The following IFRD1 variants were observed in gnomAD, a reference collection of about 807,000 sequenced individuals.
The protein encoded by IFRD1 is interferon related developmental regulator 1, also known as interferon-related developmental regulator 1.
Under a neutral mutation model 52.9 loss-of-function variants are expected in IFRD1, and 35 were observed. The observed-to-expected ratio is 0.66, with a 90% CI of 0.51 to 0.88. The LOEUF is 0.88. Ranked by LOEUF, IFRD1 falls within the 40% of genes least tolerant of loss-of-function variation. IFRD1 has a pLI of 0.00. For missense variants in IFRD1, 517 were observed against 550.8 expected (o/e 0.94, Z 0.61); for synonymous variants, 184 against 188.4 (o/e 0.98, Z 0.19).
At chr7:112,424,510 G>T (rs10046519) in intron 1 of IFRD1, among the ~76,000 whole-genome samples, 29,834 of 151,776 alleles carry the variant, frequency 0.2, 3,082 homozygotes, top group Middle Eastern at 0.29. Context: ...CGCCTCCCAG[G>T]TTCAAGCGAT....
chr7:112,454,573 TCAAATAC>T (rs1795241955), intron 1 of IFRD1, among the ~76,000 whole-genome samples: 1 of 152,198 alleles, frequency 6.6e-6, no homozygotes, highest in African/African-American at 2.4e-5. Flanking sequence ...TTATACTATA[TCAAATAC>T]CAAAACTTCT....
intron 1 of IFRD1, among the ~76,000 whole-genome samples, chr7:112,435,149 A>G (rs1408910350): frequency 6.6e-6 from 1 of 152,194 alleles, no homozygotes; most frequent in Non-Finnish European, 1.5e-5. Flanking sequence ...TTGGACGGCA[A>G]TAATTTTACT....
Position 112,451,000 on chromosome 7 carries a change from C to T in IFRD1, c.94+218C>T. ...TGCGAACCGGACTCTTGGGCACCGG[C>T]CGTGGGGGCAGGGAGGAACGGGTCC... On this transcript the variant is annotated intron_variant, in intron 1 of 11. Coordinates refer to ENST00000403825, the MANE Select transcript of IFRD1 (RefSeq NM_001550.4). The T allele has an allele frequency of 8.6e-6, 5 of 582,846 alleles. No homozygotes were observed. In the Admixed American group the frequency reaches 1.5e-4, roughly 17 times the overall value. 36.1% of individuals were successfully genotyped at this position (582,846 alleles called of 1,614,324 possible). A position where few individuals can be genotyped will look rare whatever the true frequency, so the allele number is the denominator to read the frequency against.
chr7:112,427,515 T>C (rs1794452941), intron 1 of IFRD1, among the ~76,000 whole-genome samples: 1 of 152,228 alleles, frequency 6.6e-6, no homozygotes, highest in African/African-American at 2.4e-5. Flanking sequence ...AGCTTAGCAA[T>C]TACCCTAATA....
rs1412590474 is a variant in IFRD1 at position 112,460,244 on chromosome 7, T to TG, written c.567+1226_567+1227insG. On this transcript the variant is annotated intron_variant, in intron 5 of 11. Coordinates refer to ENST00000403825, the MANE Select transcript of IFRD1 (RefSeq NM_001550.4). ...ATTAAATTGAGGCAGTCCTAGGGTTTTTTTTTTTTTTTTTTTTTTTGACAA... is the reference window on the plus strand; with the variant it reads ...ATTAAATTGAGGCAGTCCTAGGGTTTGTTTTTTTTTTTTTTTTTTTTGACAA... Among the ~76,000 whole-genome samples the TG allele has an allele frequency of 1.5e-5, 2 of 133,284 alleles. 1 individual carries two copies. The highest frequency in any genetic ancestry group is 1.5e-4 in the Admixed American group (2 of 13,234). 87.4% of individuals were successfully genotyped at this position (133,284 alleles called of 152,430 possible).
At chr7:112,449,233 G>A (rs1795093276), upstream of IFRD1, among the ~76,000 whole-genome samples, 1 of 152,106 alleles carries the variant, frequency 6.6e-6, no homozygotes, top group African/African-American at 2.4e-5. Context: ...GAATTTAAGA[G>A]TGCTATTTTA....
chr7:112,427,577 A>G (rs1037938765), intron 1 of IFRD1, among the ~76,000 whole-genome samples: 4 of 152,238 alleles, frequency 2.6e-5, no homozygotes, highest in African/African-American at 7.2e-5. Context: ...GTAGAAACGT[A>G]ACTTGATGAT....
chr7:112,467,816 A>G (rs1005426225), intron 8 of IFRD1, 165 bp from the exon 9 acceptor site: 19 of 684,606 alleles, frequency 2.8e-5, no homozygotes, highest in South Asian at 1.0e-4. Context: ...CGATTTTTGC[A>G]TGAAAACATG....
Position 112,455,882 on chromosome 7 carries a change from T to G in IFRD1, c.199+15T>G, listed in dbSNP as rs751755913. ...TGCTGAAGATGGTATGAGTTTTAAA[T>G]TTAAATTTGCAACTTTAGATAAAAT... On this transcript the variant is annotated intron_variant, in intron 2 of 11. Transcript: ENST00000403825. 21 of 1,572,254 alleles carry G rather than the reference T, an allele frequency of 1.3e-5. No individual in the cohort carries two copies. The Admixed American group carries it at 3.5e-4, about 26-fold the overall frequency.
chr7:112,457,003 CTT>C lies in IFRD1; in HGVS notation c.376_377del (p.Leu126AsnfsTer2), dbSNP rs1795308609. 2 of 1,613,906 alleles carry C rather than the reference CTT, an allele frequency of 1.2e-6. No individual in the cohort carries two copies. Among genetic ancestry groups the C allele is most frequent in the Non-Finnish European group, 1.7e-6 (2 of 1,179,840 alleles). ...GAATTTATTCTGGAAAGGAGAATGA[CTT>C]TAACTGATAGCATTGAACGCTGCCT... On this transcript the variant is annotated frameshift_variant, in exon 4 of 12. Coordinates refer to ENST00000403825, the MANE Select transcript of IFRD1 (RefSeq NM_001550.4). LOFTEE classifies it high-confidence loss of function.
At chr7:112,445,410 C>T (rs567989367) in intron 1 of IFRD1, among the ~76,000 whole-genome samples, 26 of 152,228 alleles carry the variant, frequency 1.7e-4, no homozygotes, top group African/African-American at 6.0e-4. Flanking sequence ...ACCAATGGTA[C>T]GACCTTGGGG....
Position 112,467,983 on chromosome 7 carries a change from C to CT in IFRD1, c.916dup (p.Tyr306LeufsTer2), listed in dbSNP as rs979653918. On this transcript the variant is annotated frameshift_variant, in exon 9 of 12. Transcript: ENST00000403825. LOFTEE classifies it high-confidence loss of function. ...ACAAAATTGCTTTTCTTGTCCAGGA[C>CT]TTTTTTTATGAAGACATGGAGTCCT... 1 of 1,613,764 alleles carries CT rather than the reference C, an allele frequency of 6.2e-7. No individual in the cohort carries two copies. The highest frequency in any genetic ancestry group is 8.5e-7 in the Non-Finnish European group (1 of 1,179,782).
At chr7:112,456,862 T>C in intron 3 of IFRD1, 52 bp from the exon 4 acceptor site, 3 of 1,579,888 alleles carry the variant, frequency 1.9e-6, no homozygotes, top group Non-Finnish European at 2.6e-6. Context: ...AAAAAGTTAT[T>C]TATTGTATAC....
chr7:112,452,619 T>G (rs1381892627), intron 1 of IFRD1: 2 of 187,508 alleles, frequency 1.1e-5, no homozygotes, highest in African/African-American at 4.7e-5. Context: ...CGCACAAACC[T>G]TTAATCCCGT....
At chr7:112,427,728 A>T (rs948175264) in intron 1 of IFRD1, among the ~76,000 whole-genome samples, 3 of 152,178 alleles carry the variant, frequency 2.0e-5, no homozygotes, top group Non-Finnish European at 4.4e-5. Flanking sequence ...TCTATGCTCT[A>T]TCACAGAGAA....
chr7:112,452,699 A>G lies in IFRD1; in HGVS notation c.94+1917A>G, dbSNP rs113505196. ...ACCTATACAGGCCTCTGGTGGCTGT[A>G]TGGGGATTGCCTTTTAAATTTTGCT... On this transcript the variant is annotated intron_variant, in intron 1 of 11. Transcript: ENST00000403825. Among the ~76,000 whole-genome samples the G allele has an allele frequency of 7.9e-5, 12 of 152,216 alleles. 2 individuals carry two copies. The highest frequency in any genetic ancestry group is 2.9e-4 in the African/African-American group (12 of 41,538).
At chr7:112,423,958 C>G (rs1230661175) in intron 1 of IFRD1, among the ~76,000 whole-genome samples, 2 of 152,212 alleles carry the variant, frequency 1.3e-5, no homozygotes, top group East Asian at 3.8e-4. Context: ...TTGCTCACTG[C>G]TTGCAGAGTC....
rs920713672 is a variant in IFRD1 at position 112,476,661 on chromosome 7, A to C, written c.*1142A>C. The C allele has an allele frequency of 6.6e-6, 1 of 152,212 alleles. No homozygotes were observed. Among genetic ancestry groups the C allele is most frequent in the Non-Finnish European group, 1.5e-5 (1 of 68,044 alleles). 9.4% of individuals were successfully genotyped at this position (152,212 alleles called of 1,614,324 possible). On this transcript the variant is annotated 3_prime_UTR_variant, in exon 12 of 12. Transcript: ENST00000403825. ...AGACCTTGTCTCAAAAGCAAAACAA[A>C]AAAGAATATTGCTGCTTGTTTGCCC...
chr7:112,446,830 G>C (rs146081113), upstream of IFRD1, among the ~76,000 whole-genome samples: 16 of 152,296 alleles, frequency 1.1e-4, 1 homozygote, highest in Non-Finnish European at 2.4e-4. Flanking sequence ...AATATGGAGA[G>C]AGAGGTATGT....
Sources: allele counts gnomAD v4.1 joint callset (sites outside exome capture counted in the v4.1 genomes callset), GRCh38; gene constraint gnomAD v4.1.1; transcripts MANE v1.5; gene names NCBI Gene and HGNC (gene_info 2026-07-23, HGNC 2026-07-21).